CFAP157: variants seen among roughly 807,000 people sequenced by gnomAD.
CFAP157 encodes the protein cilia- and flagella-associated protein 157.
CFAP157 carries 43 observed loss-of-function variants against 57.8 expected under a neutral mutation model. That is an observed-to-expected ratio of 0.74 (90% CI 0.58 to 0.96). The LOEUF is 0.96. Ranked by LOEUF, CFAP157 falls within the 40% of genes least tolerant of loss-of-function variation. The pLI is 0.00. For missense variants in CFAP157, 606 were observed against 655.3 expected, an observed-to-expected ratio of 0.92 and a Z score of 0.82; for synonymous variants, 267 against 269.0, an observed-to-expected ratio of 0.99 and a Z score of 0.07.
At chr9:127,708,347 G>T (rs1342820335) in intron 1 of CFAP157, among the ~76,000 whole-genome samples, 1 of 151,996 alleles carries the variant, frequency 6.6e-6, no homozygotes, top group Non-Finnish European at 1.5e-5. Flanking sequence ...CATGGTGGCG[G>T]GCGCCTGTAA....
intron 2 of CFAP157, among the ~76,000 whole-genome samples, chr9:127,710,198 C>CTGGGA (rs1842730586): frequency 6.6e-6 from 1 of 150,608 alleles, no homozygotes; most frequent in South Asian, 2.1e-4. Flanking sequence ...TCTCTTGAGC[C>CTGGGA]TGGGAGGCTG....
rs1842971833 is a variant in CFAP157, at chr9:127,715,925, A to C, written c.*2020A>C. On this transcript the variant is annotated 3_prime_UTR_variant, in exon 9 of 9. Transcript: ENST00000373295. The surrounding 1 kb of genome is among the most constrained non-coding windows in gnomAD (Gnocchi z 5.8). The stretch of plus-strand genomic sequence containing the variant: ...TGTTATGCCCCCCGCTATGGCCCTG[A>C]CTTGCGGCGAAAATCTGGCAAGTCC... 2 of 776,402 alleles carry C rather than the reference A, an allele frequency of 2.6e-6. No individual in the cohort carries two copies. The highest frequency in any genetic ancestry group is 5.7e-5 in the Admixed American group (2 of 34,790). The allele number at this position is 776,402 out of a possible 1,614,324, so 48.1% of individuals were successfully genotyped here. A position where few individuals can be genotyped will look rare whatever the true frequency, so the allele number is the denominator to read the frequency against.
intron 1 of CFAP157, among the ~76,000 whole-genome samples, chr9:127,708,704 G>A (rs563264948): frequency 7.9e-5 from 12 of 152,334 alleles, no homozygotes; most frequent in African/African-American, 2.6e-4. Flanking sequence ...TACAGAGGTG[G>A]AGGAGAGGGA....
rs550263616 is a variant in CFAP157 at position 127,715,434 on chromosome 9, C to T, written c.*1529C>T. The T allele has an allele frequency of 2.7e-5, 40 of 1,479,026 alleles. No homozygotes were observed. The African/African-American group carries it at 5.6e-4, about 21-fold the overall frequency. The allele number at this position is 1,479,026 out of a possible 1,614,324, so 91.6% of individuals were successfully genotyped here. On this transcript the variant is annotated 3_prime_UTR_variant, in exon 9 of 9. Coordinates refer to ENST00000373295, the MANE Select transcript of CFAP157 (RefSeq NM_001012502.3). The surrounding 1 kb of genome is among the most constrained non-coding windows in gnomAD (Gnocchi z 5.8). ...TGGAGCCCGTCGAGCACTGAACTCA[C>T]CAGTTAAGAAAACAGAGCAGCAATT...
chr9:127,714,404 GAACGGACT>G lies in CFAP157; in HGVS notation c.*500_*507del. 1 of 1,614,230 alleles carries G rather than the reference GAACGGACT, an allele frequency of 6.2e-7. No individual in the cohort carries two copies. Among genetic ancestry groups the G allele is most frequent in the Non-Finnish European group, 8.5e-7 (1 of 1,180,040 alleles). On this transcript the variant is annotated 3_prime_UTR_variant, in exon 9 of 9. Coordinates refer to ENST00000373295, the MANE Select transcript of CFAP157 (RefSeq NM_001012502.3). ...ATTGGAGTTGAGGCAGCTAATGCAG[GAACGGACT>G]CCATTGTGGCCCCTTCAAGGGATAT...
intron 1 of CFAP157, 124 bp downstream of exon 1, chr9:127,707,316 C>A: frequency 1.0e-6 from 1 of 1,000,152 alleles, no homozygotes; most frequent in Non-Finnish European, 1.4e-6. Flanking sequence ...GATGTCCAGA[C>A]CCCATCCCGA....
rs745604179 is a variant in CFAP157 at position 127,709,710 on chromosome 9, C to A, written c.433+17C>A. The A allele has an allele frequency of 6.2e-7, 1 of 1,606,986 alleles. No homozygotes were observed. The highest frequency in any genetic ancestry group is 8.5e-7 in the Non-Finnish European group (1 of 1,175,806). ...TCATCCTTGGTGAGGAGGGGACTGGCTGGTGAGCCTGCAGGCACACATCCC... is the reference window on the plus strand; with the variant it reads ...TCATCCTTGGTGAGGAGGGGACTGGATGGTGAGCCTGCAGGCACACATCCC... On this transcript the variant is annotated intron_variant, in intron 2 of 8. Transcript: ENST00000373295. This position sits in a 1 kb window ranked among gnomAD's most constrained non-coding sequence, Gnocchi z 4.7.
At chr9:127,712,943 GGGACAGTGC>G in intron 7 of CFAP157, 68 bp downstream of exon 7, 1 of 1,590,246 alleles carries the variant, frequency 6.3e-7, no homozygotes. Context: ...TTCAGCCATG[GGGACAGTGC>G]TCGGCTCACC....
rs369180901 is a variant in CFAP157 at position 127,709,640 on chromosome 9, G to A, written c.380G>A (p.Arg127His). 1.3e-5 allele frequency: 21 copies of A among 1,613,652 alleles called. No homozygotes were observed. Among genetic ancestry groups the A allele is most frequent in the African/African-American group, 2.7e-5 (2 of 74,900 alleles). The change falls in exon 2 of 9, where the codon CGC (arginine) becomes CAC (histidine). Residue 127 changes from arginine (R) to histidine (H), a missense_variant. By Grantham distance (29) the Arg-to-His change is conservative. Coordinates refer to ENST00000373295, the MANE Select transcript of CFAP157 (RefSeq NM_001012502.3). This position sits in a 1 kb window ranked among gnomAD's most constrained non-coding sequence, Gnocchi z 4.7. ...TTCGAGGCGCAGCTGGCCCAGGTGCGCCACGAGTTCCAGGAGACCAAGGAC... is the reference window on the plus strand; with the variant it reads ...TTCGAGGCGCAGCTGGCCCAGGTGCACCACGAGTTCCAGGAGACCAAGGAC... ...DAFEAQLAQV[R>H]HEFQETKDQL...
rs114961288 is a variant in CFAP157, at chr9:127,709,222, T to C, written c.162-200T>C. On this transcript the variant is annotated intron_variant, in intron 1 of 8. Transcript: ENST00000373295. This position sits in a 1 kb window ranked among gnomAD's most constrained non-coding sequence, Gnocchi z 4.7. Reference sequence around the variant, plus strand: ...TTACATTCTAGTGATGTAATGAAAATAACATGCTAAGCACAGGCATTGGCT... The same window carrying C: ...TTACATTCTAGTGATGTAATGAAAACAACATGCTAAGCACAGGCATTGGCT... Among the ~76,000 whole-genome samples the C allele has an allele frequency of 4.6e-3, 706 of 152,196 alleles. 9 individuals carry two copies. Among genetic ancestry groups the C allele is most frequent in the South Asian group, 0.04 (195 of 4,822 alleles).
In CFAP157 at chr9:127,713,783, A is replaced by C. The variant is rs766635213; in HGVS notation, c.1492-51A>C. ...CGGCCTCCCAAAGTGCTGGGATTAT[A>C]GGTGTGAGCCACTGCACCCGGCCTC... On this transcript the variant is annotated intron_variant, in intron 8 of 8. Coordinates refer to ENST00000373295, the MANE Select transcript of CFAP157 (RefSeq NM_001012502.3). 6.7e-6 allele frequency: 10 copies of C among 1,483,298 alleles called. No homozygotes were observed. In the South Asian group the frequency reaches 7.9e-5, roughly 12 times the overall value. 91.9% of individuals were successfully genotyped at this position (1,483,298 alleles called of 1,614,324 possible).
chr9:127,712,425 G>C, intron 6 of CFAP157, 76 bp downstream of exon 6: 1 of 1,564,202 alleles, frequency 6.4e-7, no homozygotes, highest in Non-Finnish European at 8.7e-7. Context: ...GCAGAGAAGG[G>C]GCTGCCTCAG....
At chr9:127,712,624 A>G (rs1842792660) in intron 6 of CFAP157, 85 bp from the exon 7 acceptor site, 1 of 1,608,924 alleles carries the variant, frequency 6.2e-7, no homozygotes, top group African/African-American at 1.3e-5. Flanking sequence ...ACTTCGTGGA[A>G]ATGGGCACTG....
At chr9:127,712,082 T>C (rs1842778725) in intron 5 of CFAP157, 117 bp from the exon 6 acceptor site, 1 of 1,510,856 alleles carries the variant, frequency 6.6e-7, no homozygotes, top group Non-Finnish European at 8.9e-7. Flanking sequence ...AGGCTGAGGC[T>C]TGGGGCGGGA....
At chr9:127,707,253 C>G in intron 1 of CFAP157, 61 bp downstream of exon 1, 1 of 1,573,964 alleles carries the variant, frequency 6.4e-7, no homozygotes, top group East Asian at 2.2e-5. Context: ...CCCAGGTGGC[C>G]CCCATGCAGG....
chr9:127,715,471 G>A lies in CFAP157; in HGVS notation c.*1566G>A. The A allele has an allele frequency of 6.3e-7, 1 of 1,599,566 alleles. No homozygotes were observed. The highest frequency in any genetic ancestry group is 8.5e-7 in the Non-Finnish European group (1 of 1,170,686). On this transcript the variant is annotated 3_prime_UTR_variant, in exon 9 of 9. Transcript: ENST00000373295. The surrounding 1 kb of genome is among the most constrained non-coding windows in gnomAD (Gnocchi z 5.8). Reference sequence around the variant, plus strand: ...ACAGAGCAGCAATTTGGGGGCACTCGGCTCCCGGGACATAATGGCCGAACT... The same window carrying A: ...ACAGAGCAGCAATTTGGGGGCACTCAGCTCCCGGGACATAATGGCCGAACT...
At position 127,715,057 on chromosome 9, in the gene CFAP157, C is replaced by A. The variant is rs1369200390; in HGVS notation, c.*1152C>A. On this transcript the variant is annotated 3_prime_UTR_variant, in exon 9 of 9. Transcript: ENST00000373295. This position sits in a 1 kb window ranked among gnomAD's most constrained non-coding sequence, Gnocchi z 5.8. ...CCAGTTGGGCATCCCCCAGCGGGGC[C>A]AGGGCGAGGTCGGCGGCACAGTGCC... 2.0e-6 allele frequency: 3 copies of A among 1,527,134 alleles called. No homozygotes were observed. Among genetic ancestry groups the A allele is most frequent in the South Asian group, 2.4e-5 (2 of 83,188 alleles). 94.6% of individuals were successfully genotyped at this position (1,527,134 alleles called of 1,614,324 possible).
At chr9:127,707,310 TC>T in intron 1 of CFAP157, 118 bp downstream of exon 1, 1 of 1,083,530 alleles carries the variant, frequency 9.2e-7, no homozygotes, top group Non-Finnish European at 1.3e-6. Context: ...CCCTGGGATG[TC>T]CAGACCCCAT....
In CFAP157 at chr9:127,715,742, C is replaced by T. The variant is rs1842963319; in HGVS notation, c.*1837C>T. ...GTCCACCGCCAACGTCCAATCCGGG[C>T]CGGGCTACGTGGCCGCCATGCTTCT... On this transcript the variant is annotated 3_prime_UTR_variant, in exon 9 of 9. Coordinates refer to ENST00000373295, the MANE Select transcript of CFAP157 (RefSeq NM_001012502.3). This position sits in a 1 kb window ranked among gnomAD's most constrained non-coding sequence, Gnocchi z 5.8. 1 of 1,537,728 alleles carries T rather than the reference C, an allele frequency of 6.5e-7. No homozygotes were observed. The highest frequency in any genetic ancestry group is 1.2e-5 in the South Asian group (1 of 84,520).
Sources: allele counts gnomAD v4.1 joint callset (sites outside exome capture counted in the v4.1 genomes callset), GRCh38; gene constraint gnomAD v4.1.1; non-coding constraint Gnocchi (gnomAD v3.1); transcripts MANE v1.5; gene names NCBI Gene and HGNC (gene_info 2026-07-23, HGNC 2026-07-21).